Variants in CACHD1 observed in about 807,000 individuals in gnomAD.
CACHD1 encodes the protein cache domain containing 1.
Under a neutral mutation model 138.7 loss-of-function variants are expected in CACHD1, and 71 were observed. The observed-to-expected ratio is 0.51, with a 90% CI of 0.42 to 0.62. The LOEUF is 0.62. Ranked by LOEUF, CACHD1 falls within the 20% of genes least tolerant of loss-of-function variation. The pLI is 0.00. For synonymous variants in CACHD1, 578 were observed against 591.5 expected, an observed-to-expected ratio of 0.98 and a Z score of 0.33; for missense variants, 1,389 against 1,625.3, an observed-to-expected ratio of 0.85 and a Z score of 2.50.
At chr1:64,586,716 A>C (rs983439431) in intron 3 of CACHD1, among the ~76,000 whole-genome samples, 3 of 152,158 alleles carry the variant, frequency 2.0e-5, no homozygotes, top group Non-Finnish European at 4.4e-5. Flanking sequence ...AATATTTACT[A>C]TGTCAACAGT....
intron 26 of CACHD1, among the ~76,000 whole-genome samples, chr1:64,683,928 T>G (rs1458185694): frequency 6.6e-6 from 1 of 152,226 alleles, no homozygotes; most frequent in Non-Finnish European, 1.5e-5. Context: ...TCTAATTGTT[T>G]TGTTGGCACA....
intron 1 of CACHD1, among the ~76,000 whole-genome samples, chr1:64,477,596 TA>T: frequency 7.0e-6 from 1 of 142,460 alleles, no homozygotes; most frequent in Non-Finnish European, 1.5e-5. Context: ...TTATTATTAT[TA>T]TTATTATTAT....
intron 4 of CACHD1, among the ~76,000 whole-genome samples, chr1:64,624,916 G>A (rs543530487): frequency 2.2e-4 from 33 of 152,268 alleles, no homozygotes; most frequent in Non-Finnish European, 3.5e-4. Flanking sequence ...TTAGAGGACC[G>A]CTGACCAAAT....
At chr1:64,514,617 A>C (rs1646445918) in intron 1 of CACHD1, among the ~76,000 whole-genome samples, 1 of 152,330 alleles carries the variant, frequency 6.6e-6, no homozygotes, top group South Asian at 2.1e-4. Flanking sequence ...TTACCACAGC[A>C]GCAAAGCTAT....
intron 23 of CACHD1, 94 bp downstream of exon 23, chr1:64,678,404 T>G: frequency 8.0e-7 from 1 of 1,251,932 alleles, no homozygotes; most frequent in Non-Finnish European, 1.1e-6. Context: ...CTTCCCAACT[T>G]CCCTGATTCC....
At chr1:64,560,981 T>C (rs1352358733) in intron 2 of CACHD1, among the ~76,000 whole-genome samples, 1 of 152,276 alleles carries the variant, frequency 6.6e-6, no homozygotes, top group East Asian at 1.9e-4. Context: ...AATATTGATA[T>C]AGCAACTCCA....
chr1:64,679,586 T>C lies in CACHD1; in HGVS notation c.3245-9T>C, dbSNP rs1429200283. ...TAACAAGAAACATCTTCTTGCTCTTTCACTGAAGGTGATGAGGTGATCACA... is the reference window on the plus strand; with the variant it reads ...TAACAAGAAACATCTTCTTGCTCTTCCACTGAAGGTGATGAGGTGATCACA... On this transcript the variant is annotated splice_polypyrimidine_tract_variant and intron_variant, in intron 23 of 26. Transcript: ENST00000651257. 2 of 1,612,786 alleles carry C rather than the reference T, an allele frequency of 1.2e-6. No homozygotes were observed. The highest frequency in any genetic ancestry group is 1.7e-6 in the Non-Finnish European group (2 of 1,179,610).
intron 1 of CACHD1, among the ~76,000 whole-genome samples, chr1:64,493,551 G>C (rs1372971389): frequency 6.6e-6 from 1 of 152,192 alleles, no homozygotes; most frequent in African/African-American, 2.4e-5. Context: ...CTTAGAGGAA[G>C]GAATATTTTT....
At chr1:64,601,471 G>A (rs566772351) in intron 3 of CACHD1, among the ~76,000 whole-genome samples, 1 of 152,348 alleles carries the variant, frequency 6.6e-6, no homozygotes, top group African/African-American at 2.4e-5. Context: ...GTCCTTTGAG[G>A]CACAGTTGAC....
chr1:64,517,577 G>C (rs533240182), intron 1 of CACHD1, among the ~76,000 whole-genome samples: 1 of 152,240 alleles, frequency 6.6e-6, no homozygotes, highest in East Asian at 1.9e-4. Flanking sequence ...TCTGGGCAGA[G>C]CTTGGCCCAG....
intron 13 of CACHD1, among the ~76,000 whole-genome samples, chr1:64,660,777 G>A (rs942942428): frequency 3.9e-5 from 6 of 152,060 alleles, no homozygotes; most frequent in South Asian, 2.1e-4. Context: ...TGATCCTCCC[G>A]CCTTGGCCTC....
At chr1:64,644,490 A>G (rs1403004106) in intron 8 of CACHD1, among the ~76,000 whole-genome samples, 1 of 152,240 alleles carries the variant, frequency 6.6e-6, no homozygotes, top group African/African-American at 2.4e-5. Flanking sequence ...CTGGGCAGAT[A>G]CTTCTTTACT....
In CACHD1 at chr1:64,514,558, T is replaced by C. The variant is rs1346905560; in HGVS notation, c.199-36036T>C. On this transcript the variant is annotated intron_variant, in intron 1 of 26. Transcript: ENST00000651257. Reference sequence around the variant, plus strand: ...ACTGGGCAGTGGGGGAGGAATGCAGTTGTAGGCAGCTGAGCTAGATGCATA... The same window carrying C: ...ACTGGGCAGTGGGGGAGGAATGCAGCTGTAGGCAGCTGAGCTAGATGCATA... Among the ~76,000 whole-genome samples the C allele has an allele frequency of 3.3e-5, 5 of 152,174 alleles. No individual in the cohort carries two copies. In the East Asian group the frequency reaches 9.6e-4, roughly 29 times the overall value.
intron 1 of CACHD1, among the ~76,000 whole-genome samples, chr1:64,542,049 ATAG>A (rs965521145): frequency 7.2e-5 from 11 of 152,206 alleles, no homozygotes; most frequent in African/African-American, 2.7e-4. Context: ...AAATAGAATA[ATAG>A]TAGATAACTA....
chr1:64,635,218 A>C (rs548629012), intron 7 of CACHD1, among the ~76,000 whole-genome samples: 60 of 151,636 alleles, frequency 4.0e-4, no homozygotes, highest in Non-Finnish European at 8.2e-4. Context: ...TCTAATGCTG[A>C]TTGTCAGCTT....
intron 2 of CACHD1, among the ~76,000 whole-genome samples, chr1:64,579,064 A>G (rs1646991308): frequency 6.6e-6 from 1 of 152,228 alleles, no homozygotes; most frequent in Non-Finnish European, 1.5e-5. Context: ...TTCTACCTAT[A>G]GCAAAGCAGG....
chr1:64,503,158 C>T (rs1001253608), intron 1 of CACHD1, among the ~76,000 whole-genome samples: 7 of 152,006 alleles, frequency 4.6e-5, no homozygotes, highest in African/African-American at 1.7e-4. Flanking sequence ...AGACCAAAGC[C>T]GGCTTTTGAT....
At chr1:64,559,124 G>C (rs114567469) in intron 2 of CACHD1, among the ~76,000 whole-genome samples, 1,857 of 152,310 alleles carry the variant, frequency 0.012, 37 homozygotes, top group African/African-American at 0.042. Flanking sequence ...ACTATCATTT[G>C]ATCCAGCAAT....
chr1:64,484,324 GT>G (rs752513496), intron 1 of CACHD1, among the ~76,000 whole-genome samples: 17 of 151,954 alleles, frequency 1.1e-4, no homozygotes, highest in Admixed American at 2.0e-4. Context: ...GGTTTAGGGG[GT>G]CTAGCATTCC....
Sources: allele counts gnomAD v4.1 joint callset (sites outside exome capture counted in the v4.1 genomes callset), GRCh38; gene constraint gnomAD v4.1.1; transcripts MANE v1.5; gene names NCBI Gene and HGNC (gene_info 2026-07-23, HGNC 2026-07-21).